Variants in UNC13C observed in about 807,000 individuals in gnomAD.
The protein encoded by UNC13C is unc-13 homolog C.
A neutral mutation model predicts 245.4 loss-of-function variants in UNC13C; 174 were observed. The ratio of observed to expected loss-of-function variants is 0.71; its 90% CI spans 0.63 to 0.80. The LOEUF is 0.80. UNC13C is among the 30% of genes least tolerant of loss of function. UNC13C has a pLI of 0.00. For synonymous variants in UNC13C, 992 were observed against 895.1 expected, an observed-to-expected ratio of 1.11 and a Z score of -1.93; for missense variants, 2,829 against 2,602.9, an observed-to-expected ratio of 1.09 and a Z score of -1.89.
the UNC13C span, among the ~76,000 whole-genome samples, chr15:53,899,615 T>A: frequency 6.6e-6 from 1 of 152,148 alleles, no homozygotes; most frequent in African/African-American, 2.4e-5. Flanking sequence ...GGAGTTTCAC[T>A]CTTGTTGCCC....
the UNC13C span, among the ~76,000 whole-genome samples, chr15:53,950,300 T>C: frequency 6.6e-6 from 1 of 152,202 alleles, no homozygotes; most frequent in Non-Finnish European, 1.5e-5. Flanking sequence ...GACAGGAAAT[T>C]GAAACTTGAA....
intron 16 of UNC13C, among the ~76,000 whole-genome samples, chr15:54,336,530 C>A (rs564948285): frequency 3.7e-4 from 56 of 151,598 alleles, no homozygotes; most frequent in African/African-American, 1.3e-3. Flanking sequence ...TTGGTTAAAC[C>A]AACATCACAA....
chr15:53,857,423 A>G, the UNC13C span, among the ~76,000 whole-genome samples: 1 of 152,214 alleles, frequency 6.6e-6, no homozygotes, highest in East Asian at 1.9e-4. Flanking sequence ...CACAAATAGC[A>G]TGTATGAGAT....
At chr15:54,264,111 A>G (rs2036493833) in intron 8 of UNC13C, 57 bp from the exon 9 acceptor site, 1 of 1,496,644 alleles carries the variant, frequency 6.7e-7, no homozygotes, top group Non-Finnish European at 9.1e-7. Context: ...TCCCTCCTTT[A>G]GCCATCAAAA....
At chr15:54,444,651 A>G (rs1370550687) in intron 19 of UNC13C, among the ~76,000 whole-genome samples, 2 of 151,698 alleles carry the variant, frequency 1.3e-5, no homozygotes, top group East Asian at 1.9e-4. Flanking sequence ...GGGATTTTCT[A>G]TAGTCATAAC....
At chr15:54,467,851 T>C (rs1210913204) in intron 19 of UNC13C, among the ~76,000 whole-genome samples, 1 of 151,720 alleles carries the variant, frequency 6.6e-6, no homozygotes, top group Non-Finnish European at 1.5e-5. Context: ...TGTTTTTAAA[T>C]CCATTCATTA....
At chr15:54,177,500 G>A (rs1007089075) in intron 4 of UNC13C, among the ~76,000 whole-genome samples, 3 of 152,148 alleles carry the variant, frequency 2.0e-5, no homozygotes, top group Non-Finnish European at 4.4e-5. Context: ...GCACAAGTCA[G>A]TAGTCTCTCT....
At chr15:54,230,248 A>C (rs1429750038) in intron 4 of UNC13C, among the ~76,000 whole-genome samples, 1 of 152,074 alleles carries the variant, frequency 6.6e-6, no homozygotes, top group East Asian at 1.9e-4. Flanking sequence ...CATCACCAAC[A>C]CTTGTTATCT....
intron 19 of UNC13C, among the ~76,000 whole-genome samples, chr15:54,445,740 G>C (rs1469262540): frequency 6.6e-6 from 1 of 152,144 alleles, no homozygotes; most frequent in Non-Finnish European, 1.5e-5. Flanking sequence ...CATTCTGTAG[G>C]TTGCCTGTTC....
At chr15:54,220,031 A>C (rs1346054767) in intron 4 of UNC13C, among the ~76,000 whole-genome samples, 2 of 141,116 alleles carry the variant, frequency 1.4e-5, no homozygotes, top group Admixed American at 6.8e-5. Context: ...TGTGGAAGTC[A>C]GTGTGGCGAT....
chr15:53,912,236 G>A, the UNC13C span: 1 of 152,202 alleles, frequency 6.6e-6, no homozygotes, highest in Non-Finnish European at 1.5e-5. Flanking sequence ...GTTCAACCCA[G>A]CCCCACCTGG....
At chr15:54,600,165 G>A (rs1463401621) in intron 30 of UNC13C, among the ~76,000 whole-genome samples, 2 of 152,012 alleles carry the variant, frequency 1.3e-5, no homozygotes, top group Admixed American at 6.6e-5. Flanking sequence ...AATAAGTATG[G>A]GACAGTGAGA....
At chr15:54,210,188 A>G (rs1325601375) in intron 4 of UNC13C, among the ~76,000 whole-genome samples, 1 of 149,268 alleles carries the variant, frequency 6.7e-6, no homozygotes, top group East Asian at 2.0e-4. Context: ...ATATTATGCA[A>G]AGAAAACTTA....
At chr15:54,566,390 A>G (rs1897514808) in intron 29 of UNC13C, among the ~76,000 whole-genome samples, 1 of 152,128 alleles carries the variant, frequency 6.6e-6, no homozygotes, top group African/African-American at 2.4e-5. Context: ...AACATTCTTT[A>G]TAAGATCCAG....
At chr15:53,909,379 C>A in the UNC13C span, among the ~76,000 whole-genome samples, 1 of 146,552 alleles carries the variant, frequency 6.8e-6, no homozygotes, top group African/African-American at 2.4e-5. Flanking sequence ...ACCCCTGAAG[C>A]ACCAAGACAT....
At chr15:54,068,471 C>A (rs1898171447) in intron 2 of UNC13C, among the ~76,000 whole-genome samples, 1 of 152,136 alleles carries the variant, frequency 6.6e-6, no homozygotes, top group African/African-American at 2.4e-5. Flanking sequence ...ACAGACACAT[C>A]CATTTGTTTA....
intron 19 of UNC13C, among the ~76,000 whole-genome samples, chr15:54,456,416 A>T (rs1053329458): frequency 6.6e-6 from 1 of 151,962 alleles, no homozygotes; most frequent in Non-Finnish European, 1.5e-5. Context: ...TGGGAATTGC[A>T]TTGAATATAT....
intron 17 of UNC13C, among the ~76,000 whole-genome samples, chr15:54,364,783 G>T (rs2039324890): frequency 6.6e-6 from 1 of 152,122 alleles, no homozygotes; most frequent in Admixed American, 6.5e-5. Context: ...TCTAGATGGT[G>T]CCGGTAACAC....
chr15:54,548,490 T>G (rs1169073307), intron 27 of UNC13C, among the ~76,000 whole-genome samples: 1 of 152,124 alleles, frequency 6.6e-6, no homozygotes, highest in South Asian at 2.1e-4. Context: ...CTGAGTTCCC[T>G]GCTAGCTGTC....
Sources: gnomAD v4.1 joint callset for allele counts (sites outside exome capture counted in the v4.1 genomes callset) on GRCh38, gnomAD v4.1.1 for gene constraint, MANE v1.5 for transcripts, NCBI Gene and HGNC (gene_info 2026-07-23, HGNC 2026-07-21) for gene names.